Variants in MYO18B observed in about 807,000 individuals in gnomAD.
MYO18B encodes the protein myosin XVIIIB, also known as unconventional myosin-XVIIIb.
A neutral mutation model predicts 273.0 loss-of-function variants in MYO18B; 204 were observed. That is an observed-to-expected ratio of 0.75 (90% CI 0.67 to 0.84). MYO18B has a LOEUF of 0.84. Among genes scored for constraint, MYO18B ranks in the 40% least tolerant of loss-of-function variants. MYO18B has a pLI of 0.00. For missense variants in MYO18B, 3,212 were observed against 3,287.6 expected (o/e 0.98, Z 0.56); for synonymous variants, 1,330 against 1,305.7 (o/e 1.02, Z -0.40).
At chr22:25,752,757 C>G (rs911235382) in intron 1 of MYO18B, among the ~76,000 whole-genome samples, 2 of 152,246 alleles carry the variant, frequency 1.3e-5, no homozygotes, top group African/African-American at 4.8e-5. Context: ...TCCACTCTGG[C>G]CATGCTTGAG....
chr22:26,008,027 A>T lies in MYO18B; in HGVS notation c.6470+3172A>T, dbSNP rs992311568. Among the ~76,000 whole-genome samples the T allele has an allele frequency of 2.0e-5, 3 of 152,202 alleles. No homozygotes were observed. The East Asian group carries it at 5.8e-4, about 29-fold the overall frequency. ...TATATAGCATATTTGTGAGATTTTTAAAAACATAAATTATATAATTACATG... is the reference window on the plus strand; with the variant it reads ...TATATAGCATATTTGTGAGATTTTTTAAAACATAAATTATATAATTACATG... On this transcript the variant is annotated intron_variant, in intron 42 of 43. Transcript: ENST00000335473.
intron 42 of MYO18B, among the ~76,000 whole-genome samples, chr22:26,022,994 C>G (rs532006244): frequency 2.0e-5 from 3 of 152,368 alleles, no homozygotes; most frequent in Admixed American, 2.0e-4. Context: ...GGCTACTTCG[C>G]CATGGACCCC....
intron 42 of MYO18B, among the ~76,000 whole-genome samples, chr22:26,016,605 A>G (rs1935347785): frequency 6.6e-6 from 1 of 152,202 alleles, no homozygotes; most frequent in African/African-American, 2.4e-5. Flanking sequence ...CCCTTTGCAC[A>G]TTCTTTCTGC....
intron 34 of MYO18B, among the ~76,000 whole-genome samples, chr22:25,938,985 T>G (rs1205499108): frequency 6.6e-6 from 1 of 152,120 alleles, no homozygotes; most frequent in African/African-American, 2.4e-5. Context: ...CCAGCTAATT[T>G]TTTGCTCTTT....
chr22:25,863,417 A>G (rs2090797381), intron 21 of MYO18B, among the ~76,000 whole-genome samples: 2 of 152,184 alleles, frequency 1.3e-5, no homozygotes, highest in Non-Finnish European at 2.9e-5. Context: ...TGAAGACTGG[A>G]CATCTTAGAT....
intron 39 of MYO18B, among the ~76,000 whole-genome samples, chr22:25,965,978 T>C (rs541267143): frequency 1.3e-5 from 2 of 152,332 alleles, no homozygotes; most frequent in Admixed American, 1.3e-4. Flanking sequence ...CTGACTGTCT[T>C]TTTAAGCAAG....
chr22:26,039,359 G>A, the MYO18B span, among the ~76,000 whole-genome samples: 3 of 152,106 alleles, frequency 2.0e-5, no homozygotes, highest in Non-Finnish European at 4.4e-5. Context: ...GGGCTTTCTT[G>A]CATGCTTTTA....
At chr22:25,973,516 A>G (rs939090590) in intron 39 of MYO18B, among the ~76,000 whole-genome samples, 6 of 152,198 alleles carry the variant, frequency 3.9e-5, no homozygotes, top group African/African-American at 7.2e-5. Flanking sequence ...ATTATTTTCT[A>G]TCTCTCTATA....
intron 25 of MYO18B, among the ~76,000 whole-genome samples, chr22:25,885,290 C>T (rs1569151241): frequency 1.3e-5 from 2 of 152,312 alleles, no homozygotes; most frequent in East Asian, 3.9e-4. Flanking sequence ...ATTTGTCCTA[C>T]ATCACTCAGC....
downstream of MYO18B, among the ~76,000 whole-genome samples, chr22:26,035,319 C>T (rs534430347): frequency 4.6e-5 from 7 of 152,314 alleles, no homozygotes; most frequent in East Asian, 1.4e-3. Context: ...ATGGAAATTT[C>T]TTTGGAATTC....
chr22:25,962,525 G>T (rs1430313096), intron 39 of MYO18B, among the ~76,000 whole-genome samples: 3 of 152,188 alleles, frequency 2.0e-5, no homozygotes, highest in Admixed American at 2.0e-4. Context: ...ACTGTTGTTT[G>T]TATCTTACTA....
intron 33 of MYO18B, among the ~76,000 whole-genome samples, chr22:25,919,637 C>T (rs992923405): frequency 3.3e-5 from 5 of 151,926 alleles, no homozygotes; most frequent in African/African-American, 1.2e-4. Context: ...GCACAATGCC[C>T]AGCCCTTAAC....
intron 9 of MYO18B, among the ~76,000 whole-genome samples, 168 bp from the exon 10 acceptor site, chr22:25,781,566 C>T (rs1039528235): frequency 2.7e-5 from 4 of 148,718 alleles, no homozygotes; most frequent in Non-Finnish European, 4.4e-5. Flanking sequence ...GCCGAGATCA[C>T]GCCACCGCAC....
intron 25 of MYO18B, among the ~76,000 whole-genome samples, chr22:25,882,513 G>T (rs886530507): frequency 6.6e-6 from 1 of 152,186 alleles, no homozygotes; most frequent in Non-Finnish European, 1.5e-5. Flanking sequence ...ATTGAGAAGG[G>T]ATGGGTAGGA....
the MYO18B span, among the ~76,000 whole-genome samples, chr22:26,060,836 A>G: frequency 2.4e-5 from 3 of 122,546 alleles, no homozygotes; most frequent in Admixed American, 2.4e-4. Flanking sequence ...ATATACATAT[A>G]CACAATATAC....
chr22:25,960,865 G>T (rs2092910646), intron 39 of MYO18B, among the ~76,000 whole-genome samples: 1 of 152,078 alleles, frequency 6.6e-6, no homozygotes, highest in African/African-American at 2.4e-5. Flanking sequence ...AATCTTTTAT[G>T]GGGCCGGATA....
At chr22:25,911,116 A>G (rs2092149933) in intron 33 of MYO18B, 66 bp downstream of exon 33, 1 of 1,208,880 alleles carries the variant, frequency 8.3e-7, no homozygotes, top group Admixed American at 2.0e-5. Flanking sequence ...AGATGGGCTC[A>G]TGGAGAGAAC....
chr22:25,960,500 C>T (rs1380035247), intron 39 of MYO18B, among the ~76,000 whole-genome samples: 3 of 152,164 alleles, frequency 2.0e-5, no homozygotes, highest in African/African-American at 7.2e-5. Context: ...TTGACTTTCC[C>T]CTGATCCAGG....
At chr22:25,823,443 G>C (rs1280546965) in intron 12 of MYO18B, 62 bp from the exon 13 acceptor site, 5 of 1,537,626 alleles carry the variant, frequency 3.3e-6, no homozygotes, top group Non-Finnish European at 3.5e-6. Context: ...GGTCCTCTCG[G>C]GTGTTCATTC....
Sources: allele counts gnomAD v4.1 joint callset (sites outside exome capture counted in the v4.1 genomes callset), GRCh38; gene constraint gnomAD v4.1.1; transcripts MANE v1.5; gene names NCBI Gene and HGNC (gene_info 2026-07-23, HGNC 2026-07-21).